The following GALNT13 variants were observed in gnomAD, a reference collection of about 807,000 sequenced individuals.
The protein encoded by GALNT13 is UDP-GalNAc:polypeptide N-acetylgalactosaminyltransferase 13.
A neutral mutation model predicts 64.2 loss-of-function variants in GALNT13; 28 were observed. The ratio of observed to expected loss-of-function variants is 0.44; its 90% confidence interval spans 0.32 to 0.60. The LOEUF is 0.60. GALNT13 is among the 20% of genes least tolerant of loss of function. The pLI is 0.05. For missense variants in GALNT13, 577 were observed against 669.8 expected (o/e 0.86, Z 1.53); for synonymous variants, 214 against 224.6 (o/e 0.95, Z 0.42).
chr2:153,275,835 C>T, the GALNT13 span, among the ~76,000 whole-genome samples: 1 of 151,124 alleles, frequency 6.6e-6, no homozygotes, highest in African/African-American at 2.4e-5. Flanking sequence ...GGTTGAAGAA[C>T]AGAAAAAAAA....
chr2:153,418,917 A>C, the GALNT13 span, among the ~76,000 whole-genome samples: 1 of 152,318 alleles, frequency 6.6e-6, no homozygotes, highest in Non-Finnish European at 1.5e-5. Flanking sequence ...AACTGGAGAA[A>C]GAATTGCTGT....
At chr2:153,553,973 C>G in the GALNT13 span, among the ~76,000 whole-genome samples, 1 of 151,964 alleles carries the variant, frequency 6.6e-6, no homozygotes, top group Non-Finnish European at 1.5e-5. Context: ...GATGAGGTTC[C>G]CCTGAGTATC....
chr2:153,074,980 AC>A, the GALNT13 span, among the ~76,000 whole-genome samples: 1 of 152,048 alleles, frequency 6.6e-6, no homozygotes, highest in African/African-American at 2.4e-5. Flanking sequence ...TGATCTTTCC[AC>A]CTTGGCCTCC....
At chr2:153,166,233 G>T in the GALNT13 span, among the ~76,000 whole-genome samples, 7 of 152,120 alleles carry the variant, frequency 4.6e-5, no homozygotes, top group African/African-American at 1.4e-4. Flanking sequence ...GGGTGAAATT[G>T]TTGACTTGCT....
the GALNT13 span, among the ~76,000 whole-genome samples, chr2:153,587,863 G>A: frequency 4.0e-4 from 61 of 152,218 alleles, 1 homozygote; most frequent in East Asian, 1.9e-4. Flanking sequence ...TTCTGCCTAT[G>A]AGCCTGTAAA....
At chr2:154,406,201 A>G (rs921258562) in intron 10 of GALNT13, among the ~76,000 whole-genome samples, 20 of 152,160 alleles carry the variant, frequency 1.3e-4, no homozygotes, top group Non-Finnish European at 2.8e-4. Context: ...TTCAATGGAA[A>G]GTTCCAGTGG....
At chr2:154,443,911 A>G (rs186140159) in intron 12 of GALNT13, among the ~76,000 whole-genome samples, 1 of 152,288 alleles carries the variant, frequency 6.6e-6, no homozygotes, top group Admixed American at 6.5e-5. Flanking sequence ...AAGTAATACT[A>G]TATTATAAAC....
the GALNT13 span, among the ~76,000 whole-genome samples, chr2:153,505,332 T>A: frequency 6.6e-6 from 1 of 152,316 alleles, no homozygotes; most frequent in Admixed American, 6.5e-5. Flanking sequence ...AGCTTTTTGT[T>A]ACATTTATCT....
At chr2:154,216,144 C>T (rs1231993858) in intron 4 of GALNT13, among the ~76,000 whole-genome samples, 1 of 151,896 alleles carries the variant, frequency 6.6e-6, no homozygotes, top group Non-Finnish European at 1.5e-5. Flanking sequence ...GCTTCCTGTA[C>T]AACACATCTT....
At chr2:154,252,829 G>A (rs1690160457) in intron 7 of GALNT13, among the ~76,000 whole-genome samples, 1 of 152,054 alleles carries the variant, frequency 6.6e-6, no homozygotes, top group South Asian at 2.1e-4. Flanking sequence ...AGGAAAGGAA[G>A]AAAGAAAGAA....
At chr2:153,784,393 GA>G in the GALNT13 span, among the ~76,000 whole-genome samples, 1 of 152,198 alleles carries the variant, frequency 6.6e-6, no homozygotes, top group African/African-American at 2.4e-5. Context: ...GTATCTGGCA[GA>G]AGAAACTTCT....
chr2:154,439,099 A>G (rs988964396), intron 12 of GALNT13, among the ~76,000 whole-genome samples: 1 of 152,210 alleles, frequency 6.6e-6, no homozygotes, highest in Non-Finnish European at 1.5e-5. Flanking sequence ...AAATTTTACA[A>G]TACTAATCAC....
intron 3 of GALNT13, among the ~76,000 whole-genome samples, chr2:154,059,810 G>A (rs6758740): frequency 0.76 from 114,781 of 151,968 alleles, 43,729 homozygotes; most frequent in East Asian, 0.96. Flanking sequence ...GGAAAGAGAT[G>A]ACACACTCAA....
the GALNT13 span, among the ~76,000 whole-genome samples, chr2:153,430,472 A>G: frequency 4.0e-5 from 6 of 151,882 alleles, no homozygotes; most frequent in South Asian, 1.2e-3. Flanking sequence ...ATTAATACTA[A>G]TGGCTTCCTG....
the GALNT13 span, among the ~76,000 whole-genome samples, chr2:153,608,175 A>T: frequency 6.6e-6 from 1 of 152,296 alleles, no homozygotes; most frequent in East Asian, 1.9e-4. Context: ...GAGGAGGTTA[A>T]GAGATTAATA....
At position 154,040,132 on chromosome 2, in the gene GALNT13, G is replaced by A. The variant is rs1020437144; in HGVS notation, c.142+95493G>A. ...ATAAGTGTTGAATGCACAGTGTCAC[G>A]TGAGACATGGTTCCTGTCTCCAGTG... On this transcript the variant is annotated intron_variant, in intron 3 of 12. Transcript: ENST00000392825. Among the ~76,000 whole-genome samples, 15 of 140,808 alleles carry A rather than the reference G, an allele frequency of 1.1e-4. 3 individuals carry two copies. Among genetic ancestry groups the A allele is most frequent in the African/African-American group, 1.7e-4 (7 of 41,002 alleles). The allele number at this position is 140,808 out of a possible 152,430, so 92.4% of individuals were successfully genotyped here.
At chr2:153,084,032 A>C in the GALNT13 span, among the ~76,000 whole-genome samples, 1 of 152,126 alleles carries the variant, frequency 6.6e-6, no homozygotes. Flanking sequence ...GCTTTGTTGA[A>C]GATCAGTTGT....
At chr2:154,256,988 T>C (rs1040179617) in intron 7 of GALNT13, among the ~76,000 whole-genome samples, 11 of 152,188 alleles carry the variant, frequency 7.2e-5, no homozygotes, top group Non-Finnish European at 1.3e-4. Context: ...GAACAGAACG[T>C]GTTGCATAAC....
At chr2:153,572,887 TG>T in the GALNT13 span, among the ~76,000 whole-genome samples, 1 of 152,006 alleles carries the variant, frequency 6.6e-6, no homozygotes, top group Non-Finnish European at 1.5e-5. Flanking sequence ...GAATGATCCA[TG>T]TGCTAAGAAA....
Sources: allele counts gnomAD v4.1 joint callset (sites outside exome capture counted in the v4.1 genomes callset), GRCh38; gene constraint gnomAD v4.1.1; transcripts MANE v1.5; gene names NCBI Gene and HGNC (gene_info 2026-07-23, HGNC 2026-07-21).